DYRK1A: variants seen among roughly 807,000 people sequenced by gnomAD.
DYRK1A encodes the protein dual specificity tyrosine phosphorylation regulated kinase 1A, also known as dual specificity tyrosine-phosphorylation-regulated kinase 1A.
DYRK1A carries 9 observed loss-of-function variants against 79.7 expected under a neutral mutation model. The ratio of observed to expected loss-of-function variants is 0.11; its 90% CI spans 0.07 to 0.20. The LOEUF is 0.20. DYRK1A is among the 10% of genes least tolerant of loss of function. The pLI is 1.00. For synonymous variants in DYRK1A, 349 were observed against 329.7 expected, an observed-to-expected ratio of 1.06 and a Z score of -0.63; for missense variants, 622 against 956.0, an observed-to-expected ratio of 0.65 and a Z score of 4.61.
chr21:37,458,624 T>C (rs2148520605), intron 2 of DYRK1A, among the ~76,000 whole-genome samples: 1 of 152,272 alleles, frequency 6.6e-6, no homozygotes, highest in East Asian at 1.9e-4. Flanking sequence ...CCCACACTGA[T>C]GCTGGGGCCA....
intron 2 of DYRK1A, among the ~76,000 whole-genome samples, chr21:37,445,753 C>T (rs2051248886): frequency 6.6e-6 from 1 of 152,112 alleles, no homozygotes; most frequent in African/African-American, 2.4e-5. Flanking sequence ...TATCAAAGCC[C>T]AGCACCCTCT....
chr21:37,509,842 T>C (rs752475537), intron 11 of DYRK1A, among the ~76,000 whole-genome samples: 13 of 152,240 alleles, frequency 8.5e-5, no homozygotes, highest in Non-Finnish European at 1.6e-4. Flanking sequence ...GTTCCAGTTA[T>C]TCAGTCAGTC....
intron 9 of DYRK1A, chr21:37,503,018 A>G (rs757795077): frequency 6.6e-6 from 1 of 152,088 alleles, no homozygotes; most frequent in Non-Finnish European, 1.5e-5. Flanking sequence ...CCTGCATATA[A>G]TATTTTCCCC....
intron 2 of DYRK1A, among the ~76,000 whole-genome samples, chr21:37,444,466 G>A (rs1190610017): frequency 1.3e-5 from 2 of 152,192 alleles, no homozygotes; most frequent in African/African-American, 4.8e-5. Context: ...AAGTACGGAA[G>A]CCTTCACTGG....
chr21:37,443,117 C>G (rs1428960093), intron 2 of DYRK1A, among the ~76,000 whole-genome samples: 1 of 152,052 alleles, frequency 6.6e-6, no homozygotes, highest in African/African-American at 2.4e-5. Flanking sequence ...AGCCACTGTC[C>G]GCAACCATAG....
At chr21:37,497,311 G>GCAAA (rs1569387145) in intron 9 of DYRK1A, among the ~76,000 whole-genome samples, 1 of 152,074 alleles carries the variant, frequency 6.6e-6, no homozygotes, top group Non-Finnish European at 1.5e-5. Context: ...AAACTGATTT[G>GCAAA]TAAGTTCTTG....
chr21:37,477,707 A>G (rs1320985902), intron 3 of DYRK1A, among the ~76,000 whole-genome samples: 2 of 152,112 alleles, frequency 1.3e-5, no homozygotes, highest in Non-Finnish European at 2.9e-5. Context: ...GTTGGAGGGA[A>G]TGGTGCTCTG....
intron 2 of DYRK1A, among the ~76,000 whole-genome samples, chr21:37,433,732 G>C (rs1236483521): frequency 6.6e-6 from 1 of 151,922 alleles, no homozygotes; most frequent in Non-Finnish European, 1.5e-5. Context: ...ATGATCCTGA[G>C]CTAATCTCAT....
chr21:37,479,612 G>GTTTTTTTTTTTTTTTTTTTTTTTT lies in DYRK1A; in HGVS notation c.301-1020_301-1019insTTTTTTTTTTTTTTTTTTTTTTTT, dbSNP rs367673016. 1.3e-3 allele frequency among the ~76,000 whole-genome samples: 59 copies of GTTTTTTTTTTTTTTTTTTTTTTTT among 47,178 alleles called. 6 individuals are homozygous for GTTTTTTTTTTTTTTTTTTTTTTTT. The highest frequency in any genetic ancestry group is 1.4e-3 in the Non-Finnish European group (37 of 27,344). 31.0% of individuals were successfully genotyped at this position (47,178 alleles called of 152,430 possible). Reference sequence around the variant, plus strand: ...GTGTTTTGTTTTTGTTTTTGTTTTTGTTTTTTGTTTTTTTTTTTTTTTTTG... The same window carrying GTTTTTTTTTTTTTTTTTTTTTTTT: ...GTGTTTTGTTTTTGTTTTTGTTTTTGTTTTTTTTTTTTTTTTTTTTTTTTTTTTTTGTTTTTTTTTTTTTTTTTG... On this transcript the variant is annotated intron_variant, in intron 4 of 11. Coordinates refer to ENST00000647188, the MANE Select transcript of DYRK1A (RefSeq NM_001347721.2).
At chr21:37,382,864 A>T (rs1459907439) in intron 1 of DYRK1A, among the ~76,000 whole-genome samples, 1 of 152,222 alleles carries the variant, frequency 6.6e-6, no homozygotes, top group Admixed American at 6.5e-5. Context: ...GAAAAAGAAG[A>T]GTTTCTGTAA....
At chr21:37,473,312 A>G (rs142566818) in intron 3 of DYRK1A, among the ~76,000 whole-genome samples, 180 of 152,316 alleles carry the variant, frequency 1.2e-3, no homozygotes, top group Admixed American at 6.5e-3. Context: ...CCTAAAATTC[A>G]AAAGAGATGT....
intron 9 of DYRK1A, among the ~76,000 whole-genome samples, chr21:37,500,030 C>T (rs73400161): frequency 0.077 from 11,761 of 152,210 alleles, 1,524 homozygotes; most frequent in African/African-American, 0.27. Flanking sequence ...TGGATTTCAG[C>T]ATATTTGGGG....
intron 2 of DYRK1A, among the ~76,000 whole-genome samples, chr21:37,441,198 T>C (rs1044163391): frequency 2.0e-5 from 3 of 152,188 alleles, no homozygotes; most frequent in African/African-American, 4.8e-5. Flanking sequence ...TTTGATAATA[T>C]AGCCATTCTG....
At chr21:37,480,992 C>T (rs1174536425) in intron 5 of DYRK1A, 166 bp downstream of exon 5, 2 of 566,542 alleles carry the variant, frequency 3.5e-6, no homozygotes, top group Non-Finnish European at 6.0e-6. Flanking sequence ...GGTAGTGATA[C>T]TGCATCAGTA....
chr21:37,497,342 A>C (rs2053302009), intron 9 of DYRK1A, among the ~76,000 whole-genome samples: 1 of 152,210 alleles, frequency 6.6e-6, no homozygotes, highest in African/African-American at 2.4e-5. Flanking sequence ...TATTCACTAA[A>C]GCTATAGGCA....
intron 2 of DYRK1A, chr21:37,430,525 C>A: frequency 2.0e-6 from 1 of 490,190 alleles, no homozygotes; most frequent in Non-Finnish European, 2.6e-6. Flanking sequence ...TTGCCCAACT[C>A]AAGAGCCAGA....
chr21:37,374,800 G>A (rs2049504660), intron 1 of DYRK1A, among the ~76,000 whole-genome samples: 1 of 152,130 alleles, frequency 6.6e-6, no homozygotes, highest in Non-Finnish European at 1.5e-5. Flanking sequence ...TGATCCGCCT[G>A]CCTTGGCCTC....
intron 2 of DYRK1A, among the ~76,000 whole-genome samples, chr21:37,431,630 T>TA (rs1319498025): frequency 1.3e-5 from 2 of 152,212 alleles, no homozygotes. Flanking sequence ...GATGACTACT[T>TA]ACCCCTTGCA....
intron 2 of DYRK1A, among the ~76,000 whole-genome samples, chr21:37,471,158 A>G (rs10470178): frequency 0.3 from 44,873 of 152,032 alleles, 6,741 homozygotes; most frequent in South Asian, 0.38. Context: ...TAGAATAAAG[A>G]CAGCTATTAG....
Sources: gnomAD v4.1 joint callset for allele counts (sites outside exome capture counted in the v4.1 genomes callset) on GRCh38, gnomAD v4.1.1 for gene constraint, MANE v1.5 for transcripts, NCBI Gene and HGNC (gene_info 2026-07-23, HGNC 2026-07-21) for gene names.